Variants in TRPM1 observed in about 807,000 individuals in gnomAD.
TRPM1 encodes transient receptor potential cation channel subfamily M member 1.
A neutral mutation model predicts 149.4 loss-of-function variants in TRPM1; 113 were observed. The observed-to-expected ratio is 0.76, with a 90% CI of 0.65 to 0.88. The LOEUF is 0.88. TRPM1 is among the 40% of genes least tolerant of loss of function. TRPM1 has a pLI of 0.00. For missense variants in TRPM1, 1,976 were observed against 2,038.7 expected (o/e 0.97, Z 0.59); for synonymous variants, 741 against 759.5 (o/e 0.98, Z 0.40).
chr15:31,048,958 C>T (rs1432941459), intron 13 of TRPM1, among the ~76,000 whole-genome samples: 1 of 152,166 alleles, frequency 6.6e-6, no homozygotes, highest in African/African-American at 2.4e-5. Context: ...CATTCAAACC[C>T]TTCCAGCAGA....
At chr15:31,082,721 G>A (rs1335254088) in intron 1 of TRPM1, among the ~76,000 whole-genome samples, 1 of 152,196 alleles carries the variant, frequency 6.6e-6, no homozygotes, top group Admixed American at 6.5e-5. Flanking sequence ...AGAAATATCT[G>A]CTACAAACAT....
At chr15:31,144,217 A>G (rs536170400) in intron 1 of TRPM1, among the ~76,000 whole-genome samples, 1 of 152,314 alleles carries the variant, frequency 6.6e-6, no homozygotes, top group South Asian at 2.1e-4. Flanking sequence ...AGATGAGCCA[A>G]TCACTTGAAC....
intron 3 of TRPM1, among the ~76,000 whole-genome samples, chr15:31,071,931 T>A (rs1400461873): frequency 7.6e-6 from 1 of 131,294 alleles, no homozygotes; most frequent in Non-Finnish European, 1.5e-5. Context: ...GGCACTGCAC[T>A]CCAGCGTGGT....
intron 1 of TRPM1, among the ~76,000 whole-genome samples, chr15:31,128,601 C>A (rs757803353): frequency 6.6e-6 from 1 of 152,144 alleles, no homozygotes; most frequent in African/African-American, 2.4e-5. Flanking sequence ...TGGGGATGTG[C>A]CAGGGATTCT....
rs536952445 is a variant in TRPM1, at chr15:31,096,982, C to G, written c.-84+4675G>C. 3.3e-5 allele frequency among the ~76,000 whole-genome samples: 5 copies of G among 152,320 alleles called. No individual in the cohort carries two copies. The East Asian group carries it at 9.6e-4, about 29-fold the overall frequency. ...ACCCTAGGCATTCACCACAGCTCAG[C>G]GTGACGGTGGAGGCTGCCAGCACGG... On this transcript the variant is annotated intron_variant, in intron 1 of 27. Transcript: ENST00000256552.
chr15:31,018,650 G>A (rs1286566868), intron 27 of TRPM1, among the ~76,000 whole-genome samples: 1 of 150,648 alleles, frequency 6.6e-6, no homozygotes, highest in East Asian at 2.0e-4. Flanking sequence ...GGATTACAGG[G>A]ATGAACCACC....
chr15:31,150,848 C>A (rs2036292352), intron 1 of TRPM1, among the ~76,000 whole-genome samples: 1 of 152,186 alleles, frequency 6.6e-6, no homozygotes, highest in African/African-American at 2.4e-5. Context: ...ACACAGGTGA[C>A]TTGCCCAGAC....
intron 1 of TRPM1, among the ~76,000 whole-genome samples, chr15:31,113,754 A>G (rs1219839484): frequency 1.3e-5 from 2 of 152,146 alleles, no homozygotes; most frequent in Non-Finnish European, 2.9e-5. Flanking sequence ...AAGCATGCGG[A>G]CCTTCCCGGT....
At chr15:31,024,154 C>T (rs1482791276) in intron 27 of TRPM1, among the ~76,000 whole-genome samples, 1 of 151,766 alleles carries the variant, frequency 6.6e-6, no homozygotes, top group African/African-American at 2.4e-5. Context: ...ATAGTGCTGG[C>T]GAAGACACGA....
At chr15:31,088,783 A>C (rs2035098723) in intron 1 of TRPM1, among the ~76,000 whole-genome samples, 1 of 134,476 alleles carries the variant, frequency 7.4e-6, no homozygotes, top group Non-Finnish European at 1.6e-5. Flanking sequence ...GGTATCAAAC[A>C]CCTGAACGTT....
At chr15:31,159,223 TC>T (rs1388159866) in intron 1 of TRPM1, among the ~76,000 whole-genome samples, 1 of 152,164 alleles carries the variant, frequency 6.6e-6, no homozygotes, top group African/African-American at 2.4e-5. Context: ...GATTCTCCCC[TC>T]CTCCCCTTTT....
chr15:31,047,924 T>C lies in TRPM1; in HGVS notation c.1588A>G (p.Asn530Asp). ...ELYNTRLGPP[N>D]TLHLLVRDVK... ...TCCCTCACCAGCAGATGAAGTGTGT[T>C]TGGTGGACCCAGTCTCTGAAAGAGA... The change falls in exon 14 of 28, where the codon AAC (asparagine) becomes GAC (aspartate). Residue 530 changes from asparagine (N) to aspartate (D), a missense_variant. By Grantham distance (23) the Asn-to-Asp change is conservative. This residue lies in a region of TRPM1 where 1,332 missense variants were observed against 1,347.1 expected (regional missense o/e 0.99). Transcript: ENST00000256552. 6.2e-7 allele frequency: 1 copy of C among 1,614,024 alleles called. No homozygotes were observed. The highest frequency in any genetic ancestry group is 8.5e-7 in the Non-Finnish European group (1 of 1,179,864).
chr15:31,088,648 C>T (rs1284035884), intron 1 of TRPM1, among the ~76,000 whole-genome samples: 1 of 152,194 alleles, frequency 6.6e-6, no homozygotes, highest in Non-Finnish European at 1.5e-5. Flanking sequence ...TGCGGACATG[C>T]CACACTCACG....
intron 14 of TRPM1, among the ~76,000 whole-genome samples, chr15:31,047,683 G>A (rs1157350485): frequency 6.6e-6 from 1 of 152,198 alleles, no homozygotes; most frequent in Non-Finnish European, 1.5e-5. Context: ...CACTGACAGT[G>A]TCCCTATCAT....
rs1266050489 is a variant in TRPM1, at chr15:31,001,790, G to GT, written c.*31dup. On this transcript the variant is annotated 3_prime_UTR_variant, in exon 28 of 28. Coordinates refer to ENST00000256552, the MANE Select transcript of TRPM1 (RefSeq NM_001252024.2). ...ATGACACCCATTAGTGGTTCTGACT[G>GT]TTAAAAAAAAAAATTAAAGAAACAA... The GT allele has an allele frequency of 1.9e-6, 3 of 1,596,178 alleles. No homozygotes were observed. The highest frequency in any genetic ancestry group is 2.6e-6 in the Non-Finnish European group (3 of 1,174,710).
In TRPM1 at chr15:31,063,121, C is replaced by CTA; in HGVS notation, c.961_962insTA (p.Gly321ValfsTer4). ...CCTCGCGCGTCAGAAATCCTACCCG[C>CTA]CTTCTTCACAGTACTTGTGCGCAAA... On this transcript the variant is annotated frameshift_variant, in exon 8 of 28. Coordinates refer to ENST00000256552, the MANE Select transcript of TRPM1 (RefSeq NM_001252024.2). LOFTEE classifies it high-confidence loss of function. 1.9e-6 allele frequency: 3 copies of CTA among 1,614,230 alleles called. No individual in the cohort carries two copies. The highest frequency in any genetic ancestry group is 2.5e-6 in the Non-Finnish European group (3 of 1,180,050).
At position 31,139,720 on chromosome 15, in the gene TRPM1, G is replaced by A. The variant is rs140110337; in HGVS notation, c.54+21186C>T. ...CAAAATACTAATGTATTGAACTTTAGCATTCTTGCTTAGGTGGCAACTGTC... is the reference window on the plus strand; with the variant it reads ...CAAAATACTAATGTATTGAACTTTAACATTCTTGCTTAGGTGGCAACTGTC... On this transcript the variant is annotated intron_variant, in intron 1 of 26. Transcript: ENST00000542188. 3.0e-3 allele frequency among the ~76,000 whole-genome samples: 458 copies of A among 152,294 alleles called. 2 individuals are homozygous for A. Among genetic ancestry groups the A allele is most frequent in the African/African-American group, 0.011 (448 of 41,550 alleles).
At chr15:31,020,614 G>A (rs1300231531) in intron 27 of TRPM1, among the ~76,000 whole-genome samples, 1 of 152,230 alleles carries the variant, frequency 6.6e-6, no homozygotes, top group Non-Finnish European at 1.5e-5. Flanking sequence ...CACTTGACTT[G>A]AATCCTTCCT....
intron 27 of TRPM1, among the ~76,000 whole-genome samples, chr15:31,005,104 A>AAAAAAAATAAAT (rs1555415389): frequency 4.2e-5 from 6 of 142,758 alleles, no homozygotes; most frequent in Admixed American, 2.8e-4. Flanking sequence ...TCCATCTCAA[A>AAAAAAAATAAAT]AAATAAATAA....
Sources: allele counts gnomAD v4.1 joint callset (sites outside exome capture counted in the v4.1 genomes callset), GRCh38; gene constraint gnomAD v4.1.1; regional missense constraint gnomAD v4.1.1; transcripts MANE v1.5; gene names NCBI Gene and HGNC (gene_info 2026-07-23, HGNC 2026-07-21).